ZNF438: variants seen among roughly 807,000 people sequenced by gnomAD.
The protein encoded by ZNF438 is zinc finger protein 438.
Under a neutral mutation model 38.0 loss-of-function variants are expected in ZNF438, and 25 were observed. The ratio of observed to expected loss-of-function variants is 0.66; its 90% confidence interval spans 0.48 to 0.92. The LOEUF (loss-of-function observed/expected upper bound fraction) is 0.92. Ranked by LOEUF, ZNF438 falls within the 40% of genes least tolerant of loss-of-function variation. The probability of loss-of-function intolerance (pLI) is 0.00; values close to 1 mark genes in which losing one functional copy is unlikely to be tolerated. For synonymous variants in ZNF438, 372 were observed against 364.1 expected, an observed-to-expected ratio of 1.02 and a Z score of -0.25; for missense variants, 1,007 against 999.6, an observed-to-expected ratio of 1.01 and a Z score of -0.10.
At chr10:31,016,194 T>C (rs955476486) in intron 1 of ZNF438, among the ~76,000 whole-genome samples, 2 of 152,164 alleles carry the variant, frequency 1.3e-5, no homozygotes, top group Admixed American at 6.5e-5. Context: ...AATATAAATA[T>C]GTAAAGCACA....
chr10:30,854,849 AT>A (rs758915278), intron 4 of ZNF438, among the ~76,000 whole-genome samples: 2 of 152,194 alleles, frequency 1.3e-5, no homozygotes, highest in Non-Finnish European at 2.9e-5. Flanking sequence ...GAGGCAGAGC[AT>A]GGTAATGTCA....
At chr10:31,005,983 C>T (rs1396163154) in intron 1 of ZNF438, among the ~76,000 whole-genome samples, 2 of 152,208 alleles carry the variant, frequency 1.3e-5, no homozygotes, top group Non-Finnish European at 2.9e-5. Context: ...AGCTTATTAA[C>T]AGATTGTGGT....
intron 3 of ZNF438, among the ~76,000 whole-genome samples, chr10:30,900,171 G>T (rs2041818949): frequency 6.6e-6 from 1 of 151,942 alleles, no homozygotes; most frequent in South Asian, 2.1e-4. Context: ...ACTATGTATG[G>T]ATACTGAAAC....
chr10:31,012,124 T>G (rs975568503), intron 1 of ZNF438, among the ~76,000 whole-genome samples: 2 of 146,904 alleles, frequency 1.4e-5, no homozygotes, highest in African/African-American at 4.9e-5. Flanking sequence ...TTCTTTTTTT[T>G]TTTTCTTTTT....
intron 1 of ZNF438, among the ~76,000 whole-genome samples, chr10:30,991,747 G>A (rs1404821531): frequency 1.3e-5 from 2 of 152,184 alleles, no homozygotes; most frequent in African/African-American, 4.8e-5. Context: ...ACTAGAAAAA[G>A]AGACAGCCAG....
chr10:30,990,941 C>T (rs1223276618), intron 1 of ZNF438, among the ~76,000 whole-genome samples: 1 of 150,904 alleles, frequency 6.6e-6, no homozygotes, highest in Non-Finnish European at 1.5e-5. Context: ...TTCTCCCCAA[C>T]AAAAACAATT....
At chr10:30,902,381 C>CAA (rs34685667) in intron 3 of ZNF438, among the ~76,000 whole-genome samples, 3 of 151,842 alleles carry the variant, frequency 2.0e-5, no homozygotes, top group African/African-American at 7.3e-5. Flanking sequence ...TTGAGCTAGA[C>CAA]AGAGTGCTGA....
chr10:30,858,146 G>A (rs745892537), intron 4 of ZNF438, among the ~76,000 whole-genome samples: 2 of 152,196 alleles, frequency 1.3e-5, no homozygotes, highest in Admixed American at 6.5e-5. Flanking sequence ...CAGGCCCCCT[G>A]GATCCAGGCT....
chr10:30,882,897 A>G (rs1367590399), intron 3 of ZNF438, among the ~76,000 whole-genome samples: 1 of 152,190 alleles, frequency 6.6e-6, no homozygotes, highest in Non-Finnish European at 1.5e-5. Flanking sequence ...TAAAAGGTAA[A>G]TATTGGGAAA....
intron 3 of ZNF438, among the ~76,000 whole-genome samples, chr10:30,898,019 C>A (rs1471903344): frequency 6.6e-6 from 1 of 152,058 alleles, no homozygotes; most frequent in African/African-American, 2.4e-5. Flanking sequence ...ATTACAAAAT[C>A]AATTGGTTGC....
intron 4 of ZNF438, among the ~76,000 whole-genome samples, chr10:30,876,620 T>C (rs1012058131): frequency 6.6e-6 from 1 of 152,226 alleles, no homozygotes; most frequent in Admixed American, 6.5e-5. Context: ...TGTGTGAATA[T>C]ATATGCATAT....
intron 1 of ZNF438, among the ~76,000 whole-genome samples, chr10:31,014,708 C>T (rs1158922338): frequency 6.6e-6 from 1 of 152,148 alleles, no homozygotes; most frequent in Non-Finnish European, 1.5e-5. Context: ...ATCTACAAAA[C>T]ATGAGCAACA....
intron 1 of ZNF438, among the ~76,000 whole-genome samples, chr10:30,983,912 C>A (rs1193074130): frequency 6.6e-6 from 1 of 152,110 alleles, no homozygotes; most frequent in African/African-American, 2.4e-5. Context: ...AAACATCTTA[C>A]ATAACCACAG....
At chr10:30,938,446 G>A (rs1430078699) in intron 2 of ZNF438, among the ~76,000 whole-genome samples, 1 of 151,594 alleles carries the variant, frequency 6.6e-6, no homozygotes, top group African/African-American at 2.4e-5. Flanking sequence ...TGGCTAATTT[G>A]TGTATTTTTA....
At chr10:30,866,146 T>C (rs919527102) in intron 4 of ZNF438, among the ~76,000 whole-genome samples, 11 of 152,154 alleles carry the variant, frequency 7.2e-5, no homozygotes, top group Non-Finnish European at 1.3e-4. Context: ...GATCCTTGAG[T>C]ACATGCCTTT....
intron 4 of ZNF438, among the ~76,000 whole-genome samples, chr10:30,863,163 G>A (rs1381818161): frequency 6.6e-6 from 1 of 152,174 alleles, no homozygotes; most frequent in African/African-American, 2.4e-5. Context: ...GTATTCCCCT[G>A]TTATGCTGAT....
At chr10:30,860,059 T>C (rs1316635737) in intron 4 of ZNF438, among the ~76,000 whole-genome samples, 1 of 152,036 alleles carries the variant, frequency 6.6e-6, no homozygotes, top group Non-Finnish European at 1.5e-5. Context: ...AGGTGAGTCA[T>C]AGAAACCAGA....
chr10:30,929,449 G>A (rs1055466192), intron 2 of ZNF438, among the ~76,000 whole-genome samples: 1 of 152,202 alleles, frequency 6.6e-6, no homozygotes, highest in Non-Finnish European at 1.5e-5. Flanking sequence ...TGGGTTCGTG[G>A]TCTCGCTGGC....
intron 2 of ZNF438, among the ~76,000 whole-genome samples, chr10:30,936,093 C>A (rs1283411159): frequency 1.3e-5 from 2 of 152,254 alleles, no homozygotes; most frequent in Admixed American, 6.5e-5. Context: ...TTTCTAAGAC[C>A]AGGATGATGA....
Sources: gnomAD v4.1 joint callset for allele counts (sites outside exome capture counted in the v4.1 genomes callset) on GRCh38, gnomAD v4.1.1 for gene constraint, MANE v1.5 for transcripts, NCBI Gene and HGNC (gene_info 2026-07-23, HGNC 2026-07-21) for gene names.